Variants in FGF14 observed in about 807,000 individuals in gnomAD.
FGF14 encodes fibroblast growth factor homologous factor 4.
Under a neutral mutation model 25.5 loss-of-function variants are expected in FGF14, and 5 were observed. The ratio of observed to expected loss-of-function variants is 0.20; its 90% confidence interval spans 0.10 to 0.41. The LOEUF (loss-of-function observed/expected upper bound fraction) is 0.41, where lower values mean the gene tolerates loss of function less well. Ranked by LOEUF, FGF14 falls within the 10% of genes least tolerant of loss-of-function variation. The pLI, the probability that FGF14 is intolerant of heterozygous loss-of-function variation, is 1.00. For synonymous variants in FGF14, 138 were observed against 118.3 expected (o/e 1.17, Z -1.08); for missense variants, 222 against 320.1 (o/e 0.69, Z 2.34).
chr13:101,851,815 T>A (rs2043865689), intron 3 of FGF14, among the ~76,000 whole-genome samples: 1 of 152,086 alleles, frequency 6.6e-6, no homozygotes, highest in African/African-American at 2.4e-5. Context: ...AACCAAGGCA[T>A]TTGCTGGTAT....
At chr13:102,298,270 G>A (rs1271637629) in intron 1 of FGF14, among the ~76,000 whole-genome samples, 2 of 152,102 alleles carry the variant, frequency 1.3e-5, no homozygotes, top group African/African-American at 2.4e-5. Context: ...ATCATAGATC[G>A]TGGGTGTGAT....
chr13:102,393,546 T>C (rs1346712896), intron 1 of FGF14, among the ~76,000 whole-genome samples: 3 of 152,140 alleles, frequency 2.0e-5, no homozygotes, highest in Non-Finnish European at 4.4e-5. Context: ...AGCATGGATA[T>C]GAGAGAAGGA....
chr13:101,872,891 T>G (rs1442773599), intron 2 of FGF14, among the ~76,000 whole-genome samples: 1 of 152,138 alleles, frequency 6.6e-6, no homozygotes, highest in African/African-American at 2.4e-5. Context: ...GGCATTATGA[T>G]TTTCTTCTGA....
intron 1 of FGF14, chr13:102,354,178 T>A (rs1010020723): frequency 6.6e-6 from 1 of 152,272 alleles, no homozygotes; most frequent in African/African-American, 2.4e-5. Flanking sequence ...AGGAGTTCAG[T>A]TGGATTTCAC....
At chr13:102,167,794 CT>C (rs11330328) in intron 1 of FGF14, among the ~76,000 whole-genome samples, 39,465 of 143,792 alleles carry the variant, frequency 0.27, 5,171 homozygotes, top group African/African-American at 0.3. Context: ...CATGCTAGCT[CT>C]TTTTTTTTTT....
At chr13:101,808,891 G>A (rs1480240551) in intron 3 of FGF14, among the ~76,000 whole-genome samples, 2 of 152,234 alleles carry the variant, frequency 1.3e-5, no homozygotes, top group Admixed American at 6.5e-5. Flanking sequence ...AGTGCATAAT[G>A]TAATTTACAA....
intron 3 of FGF14, among the ~76,000 whole-genome samples, chr13:101,771,203 A>G (rs2038749075): frequency 6.6e-6 from 1 of 152,104 alleles, no homozygotes; most frequent in African/African-American, 2.4e-5. Context: ...CTACAGTGTT[A>G]GCTCCACTTG....
chr13:102,248,931 A>G (rs1566861338), intron 1 of FGF14, among the ~76,000 whole-genome samples: 1 of 152,124 alleles, frequency 6.6e-6, no homozygotes, highest in African/African-American at 2.4e-5. Flanking sequence ...CCAAACCCCA[A>G]AATTTCAAGT....
At chr13:101,846,031 T>C (rs893001693) in intron 3 of FGF14, among the ~76,000 whole-genome samples, 4 of 152,032 alleles carry the variant, frequency 2.6e-5, no homozygotes, top group Non-Finnish European at 4.4e-5. Context: ...GTTACTTTCA[T>C]AGAAATTGAG....
At chr13:102,326,127 C>T (rs576478738) in intron 1 of FGF14, among the ~76,000 whole-genome samples, 1 of 152,206 alleles carries the variant, frequency 6.6e-6, no homozygotes, top group African/African-American at 2.4e-5. Flanking sequence ...AAAGCATAAC[C>T]TCAAATAATA....
chr13:102,057,651 T>A (rs1474426347), intron 1 of FGF14, among the ~76,000 whole-genome samples: 2 of 152,192 alleles, frequency 1.3e-5, no homozygotes, highest in East Asian at 1.9e-4. Flanking sequence ...ATTTATGGCA[T>A]GAATAGTGCA....
At chr13:102,334,609 C>G (rs879565289) in intron 1 of FGF14, among the ~76,000 whole-genome samples, 6 of 152,236 alleles carry the variant, frequency 3.9e-5, no homozygotes, top group Admixed American at 3.3e-4. Flanking sequence ...AAAGAAATGC[C>G]AATCACTACA....
intron 2 of FGF14, among the ~76,000 whole-genome samples, chr13:101,872,118 A>G (rs191321768): frequency 1.3e-5 from 2 of 151,936 alleles, no homozygotes; most frequent in East Asian, 4.0e-4. Context: ...ATTCATGAAG[A>G]TACGAAAGTT....
At chr13:102,265,126 C>G (rs773912065) in intron 1 of FGF14, among the ~76,000 whole-genome samples, 1 of 152,100 alleles carries the variant, frequency 6.6e-6, no homozygotes, top group Non-Finnish European at 1.5e-5. Context: ...CTCTCTTTAA[C>G]TTGGCCTCTC....
At chr13:102,346,611 C>T (rs1449145263) in intron 1 of FGF14, among the ~76,000 whole-genome samples, 1 of 151,828 alleles carries the variant, frequency 6.6e-6, no homozygotes. Context: ...AATATATACA[C>T]ATACATATAC....
chr13:102,346,682 C>A (rs1361773464), intron 1 of FGF14, among the ~76,000 whole-genome samples: 1 of 151,754 alleles, frequency 6.6e-6, no homozygotes. Context: ...TGGGAAAAGT[C>A]TTCAAGGTTA....
intron 1 of FGF14, among the ~76,000 whole-genome samples, chr13:101,972,160 TTAAA>T (rs1320350362): frequency 6.6e-6 from 1 of 152,228 alleles, no homozygotes; most frequent in Non-Finnish European, 1.5e-5. Context: ...ATTACATGCT[TTAAA>T]TAAATGTGGT....
At chr13:102,195,774 G>A (rs1484760845) in intron 1 of FGF14, among the ~76,000 whole-genome samples, 2 of 141,602 alleles carry the variant, frequency 1.4e-5, no homozygotes, top group Non-Finnish European at 3.0e-5. Context: ...CCTGGGTGAC[G>A]CAGTGAGACC....
At chr13:102,372,188 T>A (rs2057905499) in intron 1 of FGF14, among the ~76,000 whole-genome samples, 1 of 152,198 alleles carries the variant, frequency 6.6e-6, no homozygotes, top group African/African-American at 2.4e-5. Flanking sequence ...AATGTATTAG[T>A]CTAGGATAAA....
Sources: allele counts gnomAD v4.1 joint callset (sites outside exome capture counted in the v4.1 genomes callset), GRCh38; gene constraint gnomAD v4.1.1; transcripts MANE v1.5; gene names NCBI Gene and HGNC (gene_info 2026-07-23, HGNC 2026-07-21).